Variants in RNF38 observed in about 807,000 individuals in gnomAD.
RNF38 encodes the protein E3 ubiquitin-protein ligase RNF38.
A neutral mutation model predicts 67.2 loss-of-function variants in RNF38; 15 were observed. The ratio of observed to expected loss-of-function variants is 0.22; its 90% confidence interval spans 0.15 to 0.34. RNF38 has a LOEUF of 0.34. Among genes scored for constraint, RNF38 ranks in the 10% least tolerant of loss-of-function variants. RNF38 has a pLI of 1.00. For missense variants in RNF38, 524 were observed against 639.9 expected (o/e 0.82, Z 1.95); for synonymous variants, 220 against 218.8 (o/e 1.01, Z -0.05).
intron 2 of RNF38, among the ~76,000 whole-genome samples, chr9:36,422,406 G>C (rs1838653879): frequency 6.6e-6 from 1 of 151,252 alleles, no homozygotes; most frequent in Non-Finnish European, 1.5e-5. Flanking sequence ...AACGAAGGGA[G>C]ACTCAGTCTA....
intron 3 of RNF38, among the ~76,000 whole-genome samples, chr9:36,370,860 G>T (rs936178433): frequency 2.6e-5 from 4 of 151,938 alleles, no homozygotes; most frequent in Admixed American, 2.0e-4. Flanking sequence ...AGTGAGCTGA[G>T]ATCACGCCAC....
chr9:36,378,021 A>G (rs1299606304), intron 2 of RNF38, among the ~76,000 whole-genome samples: 2 of 152,096 alleles, frequency 1.3e-5, no homozygotes, highest in Admixed American at 6.5e-5. Flanking sequence ...AAACTTAAAA[A>G]AAAAGGTAAA....
chr9:36,465,676 A>G (rs1839841904), intron 1 of RNF38, among the ~76,000 whole-genome samples: 1 of 152,226 alleles, frequency 6.6e-6, no homozygotes, highest in Non-Finnish European at 1.5e-5. Flanking sequence ...CATCCAAAAT[A>G]GGATGCAATC....
intron 2 of RNF38, among the ~76,000 whole-genome samples, chr9:36,380,096 A>C (rs2133899699): frequency 6.6e-6 from 1 of 152,374 alleles, no homozygotes; most frequent in East Asian, 1.9e-4. Context: ...GAATGGAAGT[A>C]TAAACTCTAT....
chr9:36,384,929 G>C (rs1193120113), intron 2 of RNF38, among the ~76,000 whole-genome samples: 1 of 152,202 alleles, frequency 6.6e-6, no homozygotes, highest in African/African-American at 2.4e-5. Context: ...CTGCAAGGGA[G>C]GCGAGAGCCT....
At chr9:36,346,737 T>C (rs1254533116) in intron 9 of RNF38, among the ~76,000 whole-genome samples, 1 of 152,192 alleles carries the variant, frequency 6.6e-6, no homozygotes, top group Non-Finnish European at 1.5e-5. Flanking sequence ...TTTGCTTCTG[T>C]GTCAACATTA....
intron 1 of RNF38, among the ~76,000 whole-genome samples, chr9:36,483,695 ACAAT>A (rs1006546860): frequency 5.9e-5 from 9 of 152,222 alleles, no homozygotes; most frequent in African/African-American, 2.2e-4. Flanking sequence ...ACAAGCTAAA[ACAAT>A]CACTAGCATC....
intron 1 of RNF38, among the ~76,000 whole-genome samples, chr9:36,483,775 T>G (rs1564081015): frequency 6.6e-6 from 1 of 152,218 alleles, no homozygotes; most frequent in Non-Finnish European, 1.5e-5. Flanking sequence ...GGTTTTACTT[T>G]CTCCAAATTT....
At chr9:36,485,214 C>T (rs1840376696) in intron 1 of RNF38, among the ~76,000 whole-genome samples, 1 of 152,030 alleles carries the variant, frequency 6.6e-6, no homozygotes, top group African/African-American at 2.4e-5. Flanking sequence ...TATATGTAGT[C>T]TTCTGTTGGT....
At chr9:36,481,395 T>C (rs978752546) in intron 1 of RNF38, among the ~76,000 whole-genome samples, 1 of 152,202 alleles carries the variant, frequency 6.6e-6, no homozygotes, top group South Asian at 2.1e-4. Context: ...CCAACATCAC[T>C]GCAGTTAACT....
intron 1 of RNF38, among the ~76,000 whole-genome samples, chr9:36,433,189 A>G (rs80259100): frequency 6.6e-6 from 1 of 151,946 alleles, no homozygotes; most frequent in Non-Finnish European, 1.5e-5. Context: ...CAAAAAAAAA[A>G]AGAGTAAGAT....
intron 2 of RNF38, among the ~76,000 whole-genome samples, chr9:36,377,176 CAA>C (rs1033569646): frequency 3.3e-5 from 5 of 152,082 alleles, no homozygotes; most frequent in African/African-American, 9.7e-5. Flanking sequence ...CCAAAAATAT[CAA>C]AGTTACAAAT....
At chr9:36,367,771 A>G (rs543364910) in intron 4 of RNF38, among the ~76,000 whole-genome samples, 48 of 152,336 alleles carry the variant, frequency 3.2e-4, no homozygotes, top group African/African-American at 1.1e-3. Context: ...TTCATAAAAT[A>G]TATTTGGAAG....
At chr9:36,395,267 G>A (rs1191352514) in intron 1 of RNF38, among the ~76,000 whole-genome samples, 1 of 151,736 alleles carries the variant, frequency 6.6e-6, no homozygotes. Flanking sequence ...CTTAGGACAA[G>A]ACACTGTCCC....
chr9:36,468,871 T>C (rs1839928390), intron 1 of RNF38, among the ~76,000 whole-genome samples: 1 of 151,820 alleles, frequency 6.6e-6, no homozygotes, highest in Admixed American at 6.6e-5. Flanking sequence ...CCCAACACTT[T>C]GGGAGGCTGA....
At chr9:36,344,412 G>GT (rs1833066219) in intron 10 of RNF38, among the ~76,000 whole-genome samples, 1 of 152,084 alleles carries the variant, frequency 6.6e-6, no homozygotes, top group South Asian at 2.1e-4. Flanking sequence ...GAAATTTTAG[G>GT]TAAGAACCTC....
intron 1 of RNF38, among the ~76,000 whole-genome samples, chr9:36,477,450 A>T (rs1345537091): frequency 6.6e-6 from 1 of 152,028 alleles, no homozygotes; most frequent in Non-Finnish European, 1.5e-5. Context: ...CCAAGGTGGG[A>T]GGATCACTTG....
intron 1 of RNF38, among the ~76,000 whole-genome samples, chr9:36,474,549 C>T (rs1840079259): frequency 6.8e-6 from 1 of 147,992 alleles, no homozygotes; most frequent in African/African-American, 2.5e-5. Context: ...AATTAGACTA[C>T]CTGGGTTCAT....
chr9:36,369,352 C>G (rs906074546), intron 4 of RNF38, among the ~76,000 whole-genome samples: 2 of 152,092 alleles, frequency 1.3e-5, no homozygotes, highest in African/African-American at 4.8e-5. Context: ...TCTGCATCAA[C>G]TGGGATCATA....
Sources: allele counts gnomAD v4.1 joint callset (sites outside exome capture counted in the v4.1 genomes callset), GRCh38; gene constraint gnomAD v4.1.1; transcripts MANE v1.5; gene names NCBI Gene and HGNC (gene_info 2026-07-23, HGNC 2026-07-21).